The following FAM234A variants were observed in gnomAD, a reference collection of about 807,000 sequenced individuals.
The protein encoded by FAM234A is family with sequence similarity 234 member A, also known as protein FAM234A.
A neutral mutation model predicts 49.1 loss-of-function variants in FAM234A; 42 were observed. The ratio of observed to expected loss-of-function variants is 0.86; its 90% CI spans 0.67 to 1.11. The LOEUF is 1.11. Among genes scored for constraint, FAM234A ranks in the 50% least tolerant of loss-of-function variants. FAM234A has a pLI of 0.00. For missense variants in FAM234A, 815 were observed against 745.2 expected, an observed-to-expected ratio of 1.09 and a Z score of -1.09; for synonymous variants, 369 against 316.2, an observed-to-expected ratio of 1.17 and a Z score of -1.77.
downstream of FAM234A, chr16:269,473 C>T (rs1395995652): frequency 1.9e-6 from 3 of 1,608,946 alleles, no homozygotes; most frequent in African/African-American, 1.3e-5. Context: ...AGGCCACAGC[C>T]GCCGGCCACA....
chr16:244,375 C>A (rs1204641101), intron 1 of FAM234A, among the ~76,000 whole-genome samples: 2 of 152,150 alleles, frequency 1.3e-5, no homozygotes, highest in Non-Finnish European at 2.9e-5. Flanking sequence ...CTTCAGGCTA[C>A]CACAAAACTC....
intron 2 of FAM234A, 55 bp from the exon 3 acceptor site, chr16:254,326 C>T: frequency 6.8e-7 from 1 of 1,474,648 alleles, no homozygotes; most frequent in Non-Finnish European, 9.3e-7. Context: ...CTCTGTGCTG[C>T]AGCTTTGTGC....
At chr16:269,018 G>A (rs1465127482), downstream of FAM234A, 7 of 1,374,198 alleles carry the variant, frequency 5.1e-6, no homozygotes, top group South Asian at 6.2e-5. Context: ...AACAGGCTCT[G>A]CCCTGACCCA....
At chr16:264,584 C>T (rs1222954184) in intron 11 of FAM234A, 30 bp from the exon 12 acceptor site, 5 of 1,444,108 alleles carry the variant, frequency 3.5e-6, no homozygotes, top group African/African-American at 1.4e-5. Flanking sequence ...CAGTGAAGGG[C>T]GTGGGGCCCA....
chr16:250,321 A>G (rs1475237138), intron 2 of FAM234A, among the ~76,000 whole-genome samples: 1 of 152,142 alleles, frequency 6.6e-6, no homozygotes, highest in African/African-American at 2.4e-5. Context: ...CTCTTCTTCC[A>G]GCCCTGGCCC....
Position 265,503 on chromosome 16 carries a change from C to T in FAM234A, c.*481C>T, listed in dbSNP as rs2051663430. The T allele has an allele frequency of 8.1e-6, 8 of 988,068 alleles. No individual in the cohort carries two copies. The highest frequency in any genetic ancestry group is 9.6e-6 in the Non-Finnish European group (8 of 831,832). The allele number at this position is 988,068 out of a possible 1,614,324, so 61.2% of individuals were successfully genotyped here. On this transcript the variant is annotated 3_prime_UTR_variant, in exon 13 of 13. Transcript: ENST00000399932. ...CCCTTTTCCCTCCTGTGCTCTGTCC[C>T]CCAAGGAGTCATGGAACTCAGGGTA...
chr16:261,385 G>T lies in FAM234A; in HGVS notation c.579G>T (p.Gly193=). 1.2e-6 allele frequency: 2 copies of T among 1,611,414 alleles called. No individual in the cohort carries two copies. The highest frequency in any genetic ancestry group is 1.7e-6 in the Non-Finnish European group (2 of 1,178,026). Residue 193 remains glycine, a splice_region_variant and synonymous_variant, in exon 6 of 13, where the codon GGG becomes GGT. Coordinates refer to ENST00000399932, the MANE Select transcript of FAM234A (RefSeq NM_032039.4). ...SSFIAVNLFT[G]ETLWNHSSSF... The stretch of plus-strand genomic sequence containing the variant: ...CCGTGACCGTGTGCTTGATTCTAGG[G>T]GAAACCCTGTGGAACCACAGCAGCA...
chr16:240,660 G>A (rs1372714623), intron 1 of FAM234A, among the ~76,000 whole-genome samples: 5 of 151,846 alleles, frequency 3.3e-5, no homozygotes, highest in Non-Finnish European at 5.9e-5. Flanking sequence ...GTGCCACCAC[G>A]CCGGCTAATT....
In FAM234A at chr16:247,748, A is replaced by G. The variant is rs571545267; in HGVS notation, c.-139-1801A>G. On this transcript the variant is annotated intron_variant, in intron 1 of 12. Coordinates refer to ENST00000399932, the MANE Select transcript of FAM234A (RefSeq NM_032039.4). ...GCGCCTGGCCTTATTAATGATTTTT[A>G]AATCAGTTTCTCACAAACTCTTTTG... 3.8e-4 allele frequency among the ~76,000 whole-genome samples: 58 copies of G among 152,152 alleles called. 1 individual carries two copies. Among genetic ancestry groups the G allele is most frequent in the African/African-American group, 1.4e-3 (57 of 41,424 alleles).
At chr16:259,348 A>G in intron 3 of FAM234A, 135 bp from the exon 4 acceptor site, 2 of 657,636 alleles carry the variant, frequency 3.0e-6, no homozygotes, top group South Asian at 3.9e-5. Context: ...CCTAGTGAGG[A>G]AGAAGCCACC....
chr16:240,487 G>A (rs575799308), intron 1 of FAM234A, among the ~76,000 whole-genome samples: 14 of 151,444 alleles, frequency 9.2e-5, no homozygotes, highest in South Asian at 4.2e-4. Flanking sequence ...GGCTTGAGCC[G>A]CTGCATCTGG....
intron 1 of FAM234A, among the ~76,000 whole-genome samples, chr16:240,502 ATTT>A (rs11341453): frequency 2.3e-5 from 3 of 131,922 alleles, no homozygotes; most frequent in Non-Finnish European, 1.6e-5. Context: ...ATCTGGGTGT[ATTT>A]TTTTTTTTTT....
chr16:261,594 A>T, intron 6 of FAM234A, 80 bp downstream of exon 6: 2 of 1,481,280 alleles, frequency 1.4e-6, no homozygotes, highest in Non-Finnish European at 1.8e-6. Flanking sequence ...ATCTGCTGCC[A>T]CTTCCCAGAC....
intron 5 of FAM234A, 155 bp from the exon 6 acceptor site, chr16:261,229 C>T (rs2051451410): frequency 8.5e-6 from 7 of 818,864 alleles, no homozygotes; most frequent in South Asian, 7.3e-5. Context: ...TGCCGCCCTC[C>T]CCTCCTGTTG....
intron 2 of FAM234A, 110 bp from the exon 3 acceptor site, chr16:254,271 G>A: frequency 1.2e-6 from 1 of 816,242 alleles, no homozygotes; most frequent in Non-Finnish European, 2.0e-6. Context: ...GTGGCCCATA[G>A]TTAGAGCTGC....
chr16:262,292 A>AG, intron 7 of FAM234A, 67 bp downstream of exon 7: 2 of 1,591,304 alleles, frequency 1.3e-6, no homozygotes, highest in Non-Finnish European at 1.7e-6. Flanking sequence ...GCGGCTCCTC[A>AG]GGTCCTGCTT....
intron 5 of FAM234A, 63 bp from the exon 6 acceptor site, chr16:261,321 G>A: frequency 1.3e-6 from 2 of 1,571,642 alleles, no homozygotes; most frequent in Non-Finnish European, 1.7e-6. Context: ...AGGCCTTGCA[G>A]TTGCCGGGCT....
chr16:244,974 G>A (rs2050755788), intron 1 of FAM234A, among the ~76,000 whole-genome samples: 1 of 151,960 alleles, frequency 6.6e-6, no homozygotes, highest in Non-Finnish European at 1.5e-5. Flanking sequence ...TTACAGGCAT[G>A]AGCCATCGCG....
rs371708242 is a variant in FAM234A at position 259,952 on chromosome 16, G to T, written c.386-17G>T. 1.6e-5 allele frequency: 26 copies of T among 1,607,384 alleles called. No homozygotes were observed. Among genetic ancestry groups the T allele is most frequent in the Non-Finnish European group, 2.2e-5 (26 of 1,176,548 alleles). On this transcript the variant is annotated splice_polypyrimidine_tract_variant and intron_variant, in intron 4 of 12. Transcript: ENST00000399932. ...CCAGATGGTGCAACAGTGAGGTGCC[G>T]GTGTCTCTCCCTACAGGCTTTTCCT...
Sources: gnomAD v4.1 joint callset for allele counts (sites outside exome capture counted in the v4.1 genomes callset) on GRCh38, gnomAD v4.1.1 for gene constraint, MANE v1.5 for transcripts, NCBI Gene and HGNC (gene_info 2026-07-23, HGNC 2026-07-21) for gene names.